The following PPP1R36 variants were observed in gnomAD, a reference collection of about 807,000 sequenced individuals.
PPP1R36 encodes chromosome 14 open reading frame 50.
Under a neutral mutation model 53.4 loss-of-function variants are expected in PPP1R36, and 47 were observed. The observed-to-expected ratio is 0.88, with a 90% confidence interval of 0.70 to 1.12. The LOEUF is 1.12. Among genes scored for constraint, PPP1R36 ranks in the 50% most tolerant of loss-of-function variants. PPP1R36 has a pLI of 0.00. For synonymous variants in PPP1R36, 153 were observed against 170.5 expected (o/e 0.90, Z 0.80); for missense variants, 456 against 513.9 (o/e 0.89, Z 1.09).
intron 3 of PPP1R36, among the ~76,000 whole-genome samples, chr14:64,556,917 C>T (rs1008781560): frequency 3.3e-5 from 5 of 151,956 alleles, no homozygotes; most frequent in African/African-American, 9.7e-5. Context: ...TGGGCTTAAG[C>T]GATCCTCCCA....
chr14:64,569,743 CTT>C (rs932367626), intron 7 of PPP1R36, among the ~76,000 whole-genome samples: 9 of 142,448 alleles, frequency 6.3e-5, no homozygotes, highest in African/African-American at 7.7e-5. Flanking sequence ...TTTTTCTTTT[CTT>C]TTTTTTTTTT....
intron 10 of PPP1R36, among the ~76,000 whole-genome samples, chr14:64,587,737 C>T (rs757405432): frequency 6.6e-6 from 1 of 151,904 alleles, no homozygotes; most frequent in Non-Finnish European, 1.5e-5. Context: ...GCTGGGATTA[C>T]AGGCGTGAGC....
intron 8 of PPP1R36, among the ~76,000 whole-genome samples, chr14:64,577,335 G>T (rs2140242016): frequency 6.6e-6 from 1 of 152,278 alleles, no homozygotes; most frequent in African/African-American, 2.4e-5. Context: ...TCAGCTCATT[G>T]CACCATGCCT....
chr14:64,568,430 A>G lies in PPP1R36; in HGVS notation c.516A>G (p.Lys172=). 6.5e-7 allele frequency: 1 copy of G among 1,531,142 alleles called. No homozygotes were observed. Among genetic ancestry groups the G allele is most frequent in the Non-Finnish European group, 8.9e-7 (1 of 1,118,810 alleles). 94.8% of individuals were successfully genotyped at this position (1,531,142 alleles called of 1,614,324 possible). The change falls in exon 7 of 12, where the codon AAA becomes AAG. Residue 172 remains lysine, a synonymous_variant. Coordinates refer to ENST00000298705, the MANE Select transcript of PPP1R36 (RefSeq NM_172365.3). ...HYLEKNSLEK[K]PKSYMVGLVE... ...TGGAAAAAAACTCACTGGAAAAGAAACCCAAAAGCTATATGGTGTAAGTAA... is the reference window on the plus strand; with the variant it reads ...TGGAAAAAAACTCACTGGAAAAGAAGCCCAAAAGCTATATGGTGTAAGTAA...
chr14:64,562,558 A>T (rs1368831690), intron 3 of PPP1R36, among the ~76,000 whole-genome samples: 1 of 152,170 alleles, frequency 6.6e-6, no homozygotes, highest in Non-Finnish European at 1.5e-5. Context: ...CTCACTCACA[A>T]AGTGGAACCT....
At chr14:64,581,672 C>T (rs900272647) in intron 8 of PPP1R36, among the ~76,000 whole-genome samples, 3 of 151,954 alleles carry the variant, frequency 2.0e-5, no homozygotes, top group Admixed American at 2.0e-4. Flanking sequence ...GGGGTGGTCC[C>T]TGTTTTGTCT....
At chr14:64,554,244 C>T (rs568864907) in intron 3 of PPP1R36, among the ~76,000 whole-genome samples, 4 of 151,168 alleles carry the variant, frequency 2.6e-5, no homozygotes, top group South Asian at 2.1e-4. Flanking sequence ...CTCCCCCTCC[C>T]GGGTTCAAGC....
intron 2 of PPP1R36, among the ~76,000 whole-genome samples, chr14:64,552,540 A>G (rs2080103358): frequency 6.7e-6 from 1 of 149,056 alleles, no homozygotes; most frequent in South Asian, 2.2e-4. Flanking sequence ...TCAGGTTGCT[A>G]TGACTTGTTC....
At chr14:64,579,800 C>T (rs2080372527) in intron 8 of PPP1R36, among the ~76,000 whole-genome samples, 1 of 151,898 alleles carries the variant, frequency 6.6e-6, no homozygotes, top group Admixed American at 6.6e-5. Context: ...GAAACCCCAT[C>T]TCTACTAAAA....
chr14:64,564,475 C>G (rs1436496417), intron 3 of PPP1R36, among the ~76,000 whole-genome samples: 3 of 152,162 alleles, frequency 2.0e-5, no homozygotes, highest in African/African-American at 7.2e-5. Flanking sequence ...TTACCAAGAG[C>G]TTTCTGTTTC....
chr14:64,555,222 T>A (rs76440697), intron 3 of PPP1R36, among the ~76,000 whole-genome samples: 1,786 of 152,294 alleles, frequency 0.012, 39 homozygotes, highest in African/African-American at 0.041. Flanking sequence ...TAGCATTCGG[T>A]TTTTAGTGGT....
At chr14:64,574,656 C>T (rs930795558) in intron 8 of PPP1R36, 67 bp downstream of exon 8, 5 of 1,502,644 alleles carry the variant, frequency 3.3e-6, no homozygotes, top group South Asian at 1.3e-5. Flanking sequence ...AAGATGCTTC[C>T]GTTTGACTTT....
At chr14:64,560,287 C>G (rs369081890) in intron 3 of PPP1R36, among the ~76,000 whole-genome samples, 1 of 151,360 alleles carries the variant, frequency 6.6e-6, no homozygotes, top group East Asian at 1.9e-4. Context: ...CCAAAAAATA[C>G]AAAAATTAGC....
At chr14:64,586,976 T>C in intron 9 of PPP1R36, 97 bp downstream of exon 9, 1 of 1,046,464 alleles carries the variant, frequency 9.6e-7, no homozygotes, top group Non-Finnish European at 1.5e-6. Flanking sequence ...GAATATCCTT[T>C]CTAAAAGACG....
intron 3 of PPP1R36, chr14:64,562,127 G>A (rs1042801242): frequency 4.5e-5 from 8 of 178,956 alleles, no homozygotes; most frequent in South Asian, 1.2e-4. Flanking sequence ...AGCCCAGACC[G>A]TGGTTTGGGC....
rs772948457 is a variant in PPP1R36, at chr14:64,549,990, GCGAGGCCATGTA to G, written c.-6_6del. On this transcript the variant is annotated start_lost and 5_prime_UTR_variant, in exon 1 of 12. Transcript: ENST00000298705. Reference sequence around the variant, plus strand: ...TCGGCGACGCCGTATGGCTTCCAGGGCGAGGCCATGTACCGGGTGCCCGAGTTTTATGCGAGG... The same window carrying G: ...TCGGCGACGCCGTATGGCTTCCAGGGCCGGGTGCCCGAGTTTTATGCGAGG... 39 of 1,564,602 alleles carry G rather than the reference GCGAGGCCATGTA, an allele frequency of 2.5e-5. No individual in the cohort carries two copies. The highest frequency in any genetic ancestry group is 3.4e-5 in the Non-Finnish European group (39 of 1,154,552).
chr14:64,587,448 C>CTTTTTT (rs10708900), intron 10 of PPP1R36, 76 bp downstream of exon 10: 33 of 110,968 alleles, frequency 3.0e-4, no homozygotes, highest in Non-Finnish European at 3.6e-4. Context: ...CTTTTTTCTC[C>CTTTTTT]TTTTTTTTTT....
chr14:64,573,913 C>CAAAAAAAAA (rs35427371), intron 7 of PPP1R36, among the ~76,000 whole-genome samples: 9 of 32,536 alleles, frequency 2.8e-4, no homozygotes, highest in African/African-American at 4.1e-4. Context: ...GACTCTGTCT[C>CAAAAAAAAA]AAAAAAAAAA....
At chr14:64,552,694 T>C (rs2080105292) in intron 2 of PPP1R36, 120 bp from the exon 3 acceptor site, 1 of 713,952 alleles carries the variant, frequency 1.4e-6, no homozygotes, top group Non-Finnish European at 2.4e-6. Flanking sequence ...AAACAAATAA[T>C]TCAAAGGCTT....
Sources: gnomAD v4.1 joint callset for allele counts (sites outside exome capture counted in the v4.1 genomes callset) on GRCh38, gnomAD v4.1.1 for gene constraint, MANE v1.5 for transcripts, NCBI Gene and HGNC (gene_info 2026-07-23, HGNC 2026-07-21) for gene names.